Variants in NRG1 observed in about 807,000 individuals in gnomAD.
The protein encoded by NRG1 is pro-neuregulin-1, membrane-bound isoform.
NRG1 carries 18 observed loss-of-function variants against 63.8 expected under a neutral mutation model. The ratio of observed to expected loss-of-function variants is 0.28; its 90% CI spans 0.19 to 0.42. The LOEUF is 0.42. Among genes scored for constraint, NRG1 ranks in the 10% least tolerant of loss-of-function variants. The probability of loss-of-function intolerance (pLI) is 1.00; values close to 1 mark genes in which losing one functional copy is unlikely to be tolerated. For missense variants in NRG1, 762 were observed against 814.7 expected (o/e 0.94, Z 0.79); for synonymous variants, 302 against 301.3 (o/e 1.00, Z -0.02).
At chr8:32,771,589 A>G (rs1831792809), downstream of NRG1, among the ~76,000 whole-genome samples, 2 of 150,706 alleles carry the variant, frequency 1.3e-5, no homozygotes, top group African/African-American at 2.4e-5. Context: ...TTTTAATAAT[A>G]CTACCTCCAA....
At chr8:32,214,103 T>C (rs951824512) in intron 1 of NRG1, among the ~76,000 whole-genome samples, 1 of 152,172 alleles carries the variant, frequency 6.6e-6, no homozygotes, top group African/African-American at 2.4e-5. Flanking sequence ...GATGATTAAC[T>C]TTTATCCTTC....
chr8:32,000,801 T>C (rs1812798383), intron 1 of NRG1, among the ~76,000 whole-genome samples: 3 of 151,994 alleles, frequency 2.0e-5, no homozygotes, highest in Admixed American at 2.0e-4. Context: ...TCATTGAAAG[T>C]AATGGCAAAA....
chr8:31,888,820 C>T lies in NRG1; in HGVS notation c.37+249389C>T, dbSNP rs148745561. ...TCTGTTATCAGAATTATGTCTTTCTCTCTGTTGATAGTTATTTTTAGACTA... is the reference window on the plus strand; with the variant it reads ...TCTGTTATCAGAATTATGTCTTTCTTTCTGTTGATAGTTATTTTTAGACTA... On this transcript the variant is annotated intron_variant, in intron 1 of 10. Transcript: ENST00000519301. Among the ~76,000 whole-genome samples the T allele has an allele frequency of 1.5e-4, 23 of 152,170 alleles. 1 individual carries two copies. The highest frequency in any genetic ancestry group is 5.5e-4 in the African/African-American group (23 of 41,528).
chr8:32,070,852 T>C (rs1825656728), intron 1 of NRG1, among the ~76,000 whole-genome samples: 2 of 152,208 alleles, frequency 1.3e-5, no homozygotes, highest in African/African-American at 4.8e-5. Flanking sequence ...GAAGTTGCCA[T>C]CATAACCAGA....
At chr8:32,296,697 C>T (rs539805404) in intron 1 of NRG1, among the ~76,000 whole-genome samples, 1 of 150,876 alleles carries the variant, frequency 6.6e-6, no homozygotes, top group East Asian at 2.0e-4. Flanking sequence ...TTTTCTAGTG[C>T]AAAACATATA....
intron 5 of NRG1, among the ~76,000 whole-genome samples, chr8:32,652,001 T>C (rs182761514): frequency 6.6e-6 from 1 of 152,292 alleles, no homozygotes; most frequent in East Asian, 1.9e-4. Context: ...GAAATGCCTA[T>C]TGAAATTCTT....
intron 1 of NRG1, among the ~76,000 whole-genome samples, chr8:32,126,332 G>T (rs1834061889): frequency 6.6e-6 from 1 of 151,844 alleles, no homozygotes; most frequent in African/African-American, 2.4e-5. Context: ...GACTTTAGGG[G>T]CTGGAAAGCA....
intron 1 of NRG1, among the ~76,000 whole-genome samples, chr8:32,516,305 T>C (rs1829820363): frequency 1.3e-5 from 2 of 151,884 alleles, no homozygotes; most frequent in African/African-American, 4.8e-5. Context: ...TTTTGTATCA[T>C]TACCATGCTG....
exon 1 of NRG1, chr8:32,548,519 G>T (rs1468595536): frequency 1.6e-6 from 2 of 1,239,394 alleles, no homozygotes; most frequent in Non-Finnish European, 2.0e-6. Context: ...CAGGGCGAGC[G>T]CCCGTTCCAG....
chr8:31,893,934 G>A (rs750575584), intron 1 of NRG1, among the ~76,000 whole-genome samples: 11 of 152,010 alleles, frequency 7.2e-5, no homozygotes, highest in Middle Eastern at 6.9e-3. Flanking sequence ...TCTACCTACC[G>A]AATAGTAAGA....
At chr8:32,098,300 C>G (rs745639040) in intron 1 of NRG1, among the ~76,000 whole-genome samples, 9 of 152,188 alleles carry the variant, frequency 5.9e-5, no homozygotes, top group Non-Finnish European at 1.0e-4. Context: ...GTAAAAGACA[C>G]ACACTCTGGC....
intron 5 of NRG1, among the ~76,000 whole-genome samples, chr8:32,651,660 T>C (rs914656900): frequency 6.6e-6 from 1 of 152,176 alleles, no homozygotes; most frequent in Non-Finnish European, 1.5e-5. Flanking sequence ...GTCCTAAGTC[T>C]TATTATGGGA....
chr8:31,758,118 G>C lies in NRG1; in HGVS notation c.37+118687G>C, dbSNP rs145945922. ...ATACATGTGCAGAACGTGCAGGTTTGTTACATAGGTATACACGTGCCATGG... is the reference window on the plus strand; with the variant it reads ...ATACATGTGCAGAACGTGCAGGTTTCTTACATAGGTATACACGTGCCATGG... On this transcript the variant is annotated intron_variant, in intron 1 of 10. Coordinates refer to the NRG1 transcript ENST00000519301. 2.6e-3 allele frequency among the ~76,000 whole-genome samples: 394 copies of C among 152,170 alleles called. 2 individuals are homozygous for C. The highest frequency in any genetic ancestry group is 8.9e-3 in the African/African-American group (371 of 41,530).
chr8:32,699,932 A>G (rs756600171), intron 5 of NRG1, among the ~76,000 whole-genome samples: 94 of 152,250 alleles, frequency 6.2e-4, no homozygotes, highest in Non-Finnish European at 1.2e-3. Context: ...TATTAAAAGT[A>G]TAAGTTACAC....
Position 31,640,144 on chromosome 8 carries a change from G to T in NRG1, c.37+713G>T. 1 of 1,170,678 alleles carries T rather than the reference G, an allele frequency of 8.5e-7. No individual in the cohort carries two copies. The highest frequency in any genetic ancestry group is 1.1e-6 in the Non-Finnish European group (1 of 948,804). 72.5% of individuals were successfully genotyped at this position (1,170,678 alleles called of 1,614,324 possible). On this transcript the variant is annotated intron_variant, in intron 1 of 10. Coordinates refer to the NRG1 transcript ENST00000519301. The surrounding 1 kb of genome is among the most constrained non-coding windows in gnomAD (Gnocchi z 6.3). The stretch of plus-strand genomic sequence containing the variant: ...GCCGGGGGCGGCGGCCGGCAACGAG[G>T]CGGCTCCCGCGGGGGCCTCGGTGTG...
intron 5 of NRG1, among the ~76,000 whole-genome samples, chr8:32,718,135 C>T (rs901508674): frequency 1.3e-5 from 2 of 152,100 alleles, no homozygotes; most frequent in African/African-American, 4.8e-5. Flanking sequence ...CTGTAACAGA[C>T]GTTTTAGTGT....
At chr8:32,691,003 C>T (rs1482761127) in intron 5 of NRG1, among the ~76,000 whole-genome samples, 1 of 150,540 alleles carries the variant, frequency 6.6e-6, no homozygotes, top group South Asian at 2.1e-4. Flanking sequence ...AATCCTAACT[C>T]CCCCAAGAAA....
chr8:32,735,327 A>T (rs1280459999), intron 6 of NRG1, among the ~76,000 whole-genome samples: 1 of 152,208 alleles, frequency 6.6e-6, no homozygotes, highest in East Asian at 1.9e-4. Flanking sequence ...TGAATATTTT[A>T]GCTAGATTGA....
intron 1 of NRG1, among the ~76,000 whole-genome samples, chr8:32,179,929 C>A (rs577755895): frequency 5.4e-4 from 82 of 151,988 alleles, no homozygotes; most frequent in African/African-American, 1.9e-3. Flanking sequence ...GTTTGAAGTC[C>A]AACAGGCAAC....
Sources: allele counts gnomAD v4.1 joint callset (sites outside exome capture counted in the v4.1 genomes callset), GRCh38; gene constraint gnomAD v4.1.1; non-coding constraint Gnocchi (gnomAD v3.1); transcripts MANE v1.5; gene names NCBI Gene and HGNC (gene_info 2026-07-23, HGNC 2026-07-21).